Variants in CFAP74 observed in about 807,000 individuals in gnomAD.
CFAP74 encodes cilia- and flagella-associated protein 74.
Under a neutral mutation model 188.9 loss-of-function variants are expected in CFAP74, and 124 were observed. The observed-to-expected ratio is 0.66, with a 90% CI of 0.57 to 0.76. The LOEUF (loss-of-function observed/expected upper bound fraction) is 0.76. Ranked by LOEUF, CFAP74 falls within the 30% of genes least tolerant of loss-of-function variation. CFAP74 has a pLI of 0.00. For synonymous variants in CFAP74, 956 were observed against 916.7 expected (o/e 1.04, Z -0.77); for missense variants, 2,198 against 2,165.2 (o/e 1.02, Z -0.30).
At position 1,922,145 on chromosome 1, in the gene CFAP74, G is replaced by A. The variant is rs1001448715; in HGVS notation, c.*142C>T. On this transcript the variant is annotated 3_prime_UTR_variant, in exon 39 of 39. Transcript: ENST00000682832. Reference sequence around the variant, plus strand: ...GGGTCCAGGGCAGCAGGAAGTGGCCGTGGCGCCATGTGGAGGGCGGCCTAT... The same window carrying A: ...GGGTCCAGGGCAGCAGGAAGTGGCCATGGCGCCATGTGGAGGGCGGCCTAT... 2.7e-5 allele frequency: 17 copies of A among 620,190 alleles called. No individual in the cohort carries two copies. Among genetic ancestry groups the A allele is most frequent in the South Asian group, 1.2e-4 (6 of 51,902 alleles). 38.4% of individuals were successfully genotyped at this position (620,190 alleles called of 1,614,324 possible). A position where few individuals can be genotyped will look rare whatever the true frequency, so the allele number is the denominator to read the frequency against.
chr1:1,981,895 G>C (rs866836714), intron 6 of CFAP74, among the ~76,000 whole-genome samples: 1 of 68,850 alleles, frequency 1.5e-5, no homozygotes, highest in African/African-American at 5.5e-5. Context: ...ACACAGCCGC[G>C]GACAGACACG....
chr1:1,991,816 G>A (rs1657586222), intron 1 of CFAP74, among the ~76,000 whole-genome samples: 1 of 151,964 alleles, frequency 6.6e-6, no homozygotes, highest in South Asian at 2.1e-4. Context: ...AAGGTGGGCG[G>A]ATCACGAGGT....
At chr1:1,988,994 TTA>T in intron 2 of CFAP74, 21 bp from the exon 3 acceptor site, 4 of 1,213,456 alleles carry the variant, frequency 3.3e-6, no homozygotes, top group Non-Finnish European at 4.7e-6. Context: ...AGGCAAGAGT[TTA>T]AAAAAAAAAA....
At chr1:1,924,787 G>A (rs1476158185) in intron 33 of CFAP74, among the ~76,000 whole-genome samples, 1 of 152,186 alleles carries the variant, frequency 6.6e-6, no homozygotes, top group Non-Finnish European at 1.5e-5. Context: ...GTCCTCCAGG[G>A]CGCCTGAGTC....
At chr1:1,938,057 C>T (rs989256745) in intron 25 of CFAP74, among the ~76,000 whole-genome samples, 2 of 33,712 alleles carry the variant, frequency 5.9e-5, no homozygotes, top group Non-Finnish European at 1.3e-4. Context: ...CACTCACACT[C>T]AACCTTACAC....
At chr1:1,922,778 G>A in intron 37 of CFAP74, 55 bp from the exon 38 acceptor site, 1 of 1,578,048 alleles carries the variant, frequency 6.3e-7, no homozygotes, top group Non-Finnish European at 8.6e-7. Context: ...CCCAGAAGCA[G>A]TGGGACTAGG....
At position 1,924,387 on chromosome 1, in the gene CFAP74, T is replaced by G; in HGVS notation, c.4234+4A>C. 1.8e-5 allele frequency: 2 copies of G among 108,962 alleles called. No homozygotes were observed. The highest frequency in any genetic ancestry group is 1.5e-5 in the Non-Finnish European group (1 of 65,556). 6.7% of individuals were successfully genotyped at this position (108,962 alleles called of 1,614,324 possible). On this transcript the variant is annotated splice_donor_region_variant and intron_variant, in intron 34 of 38. Coordinates refer to ENST00000682832, the MANE Select transcript of CFAP74 (RefSeq NM_001304360.2). ...TCACCACCCACCCCCCACCCCCCGC[T>G]CACCGACCACCTCCGTCCTCTGGGA...
At chr1:1,992,728 C>T (rs1657661505) in intron 1 of CFAP74, among the ~76,000 whole-genome samples, 1 of 151,708 alleles carries the variant, frequency 6.6e-6, no homozygotes, top group Non-Finnish European at 1.5e-5. Flanking sequence ...CCTGTCTCGG[C>T]CTCCCAAAGT....
intron 32 of CFAP74, 22 bp from the exon 33 acceptor site, chr1:1,925,960 G>A (rs1350109991): frequency 6.4e-7 from 1 of 1,570,176 alleles, no homozygotes; most frequent in Non-Finnish European, 8.6e-7. Context: ...ACATCGCTCA[G>A]CCAGGAACCG....
intron 1 of CFAP74, among the ~76,000 whole-genome samples, chr1:1,999,034 A>ATG (rs1403006826): frequency 6.6e-6 from 1 of 152,168 alleles, no homozygotes; most frequent in Non-Finnish European, 1.5e-5. Context: ...CCCAACAGAA[A>ATG]TGTGTGTGTG....
At position 1,968,907 on chromosome 1, in the gene CFAP74, G is replaced by T. The variant is rs911356249; in HGVS notation, c.1047-74C>A. On this transcript the variant is annotated intron_variant, in intron 10 of 38. Transcript: ENST00000682832. The surrounding 1 kb of genome is among the most constrained non-coding windows in gnomAD (Gnocchi z 4.3). ...CCTTGCCCCAGATGAGACAGTGCCC[G>T]GCGGCCCCTCCCTAGCGCCCTCCTG... 5.6e-6 allele frequency: 8 copies of T among 1,435,432 alleles called. No homozygotes were observed. The highest frequency in any genetic ancestry group is 5.3e-5 in the Admixed American group (3 of 56,482). 88.9% of individuals were successfully genotyped at this position (1,435,432 alleles called of 1,614,324 possible). A position where few individuals can be genotyped will look rare whatever the true frequency, so the allele number is the denominator to read the frequency against.
intron 21 of CFAP74, 82 bp downstream of exon 21, chr1:1,944,249 G>T (rs1653593457): frequency 2.7e-6 from 4 of 1,496,142 alleles, no homozygotes; most frequent in Non-Finnish European, 3.6e-6. Flanking sequence ...ACAGGAGGGG[G>T]CTCACCGCGT....
Position 1,935,235 on chromosome 1 carries a change from C to T in CFAP74, c.3011+3620G>A, listed in dbSNP as rs183894481. 5.5e-4 allele frequency among the ~76,000 whole-genome samples: 43 copies of T among 78,546 alleles called. 14 individuals are homozygous for T. The highest frequency in any genetic ancestry group is 9.9e-4 in the Non-Finnish European group (39 of 39,410). The allele number at this position is 78,546 out of a possible 152,430, so 51.5% of individuals were successfully genotyped here. On this transcript the variant is annotated intron_variant, in intron 25 of 38. Transcript: ENST00000682832. Reference sequence around the variant, plus strand: ...GGTGTTGTAGGTACACACGTGTGTACGTGGGTGTTAGGCTGTAAGTACACA... The same window carrying T: ...GGTGTTGTAGGTACACACGTGTGTATGTGGGTGTTAGGCTGTAAGTACACA...
chr1:1,980,984 A>G (rs1185784388), intron 6 of CFAP74, among the ~76,000 whole-genome samples: 1 of 152,216 alleles, frequency 6.6e-6, no homozygotes, highest in African/African-American at 2.4e-5. Context: ...CTGTTTCCAG[A>G]ACGCGGTTTG....
At chr1:1,981,027 C>T (rs1254765199) in intron 6 of CFAP74, among the ~76,000 whole-genome samples, 5 of 152,214 alleles carry the variant, frequency 3.3e-5, no homozygotes, top group African/African-American at 1.2e-4. Context: ...TCGTGGCCGC[C>T]ACCTGTCCCA....
chr1:1,927,064 C>T, intron 28 of CFAP74, 36 bp from the exon 29 acceptor site: 2 of 1,549,202 alleles, frequency 1.3e-6, no homozygotes, highest in Non-Finnish European at 8.7e-7. Context: ...TCCCGCCTTG[C>T]CCCCACCCAC....
At chr1:2,003,358 T>C (rs533535424) in intron 1 of CFAP74, among the ~76,000 whole-genome samples, 5 of 152,364 alleles carry the variant, frequency 3.3e-5, no homozygotes, top group African/African-American at 7.2e-5. Flanking sequence ...ACTTTGGGGC[T>C]ATGGACCATG....
In CFAP74 at chr1:1,968,501, C is replaced by A; in HGVS notation, c.1245+134G>T. 1.4e-6 allele frequency: 1 copy of A among 727,432 alleles called. No individual in the cohort carries two copies. Among genetic ancestry groups the A allele is most frequent in the South Asian group, 1.7e-5 (1 of 58,178 alleles). The allele number at this position is 727,432 out of a possible 1,614,324, so 45.1% of individuals were successfully genotyped here. On this transcript the variant is annotated intron_variant, in intron 11 of 38. Transcript: ENST00000682832. The surrounding 1 kb of genome is among the most constrained non-coding windows in gnomAD (Gnocchi z 4.3). ...CTTGAGCTGAGTGGCGGCCACTCAG[C>A]GGGCTCAGCAACCCCCTGCAGGTGG...
In CFAP74 at chr1:1,927,221, CCTCGT is replaced by C. The variant is rs1487620528; in HGVS notation, c.3528-198_3528-194del. 3 of 653,564 alleles carry C rather than the reference CCTCGT, an allele frequency of 4.6e-6. No homozygotes were observed. In the African/African-American group the frequency reaches 5.5e-5, roughly 12 times the overall value. 40.5% of individuals were successfully genotyped at this position (653,564 alleles called of 1,614,324 possible). On this transcript the variant is annotated intron_variant, in intron 28 of 38. Coordinates refer to ENST00000682832, the MANE Select transcript of CFAP74 (RefSeq NM_001304360.2). ...GGGGGTCTCATCACTCACTTCAGGT[CCTCGT>C]CAGCTGGTGGCTGGAGGCTAGGGGT...
Sources: gnomAD v4.1 joint callset for allele counts (sites outside exome capture counted in the v4.1 genomes callset) on GRCh38, gnomAD v4.1.1 for gene constraint, Gnocchi (gnomAD v3.1) non-coding constraint, MANE v1.5 for transcripts, NCBI Gene and HGNC (gene_info 2026-07-23, HGNC 2026-07-21) for gene names.